Variants in FRMD3 observed in about 807,000 individuals in gnomAD.
The protein encoded by FRMD3 is FERM domain containing 3.
Under a neutral mutation model 70.2 loss-of-function variants are expected in FRMD3, and 33 were observed. The ratio of observed to expected loss-of-function variants is 0.47; its 90% CI spans 0.36 to 0.63. FRMD3 has a LOEUF of 0.63. Among genes scored for constraint, FRMD3 ranks in the 20% least tolerant of loss-of-function variants. FRMD3 has a pLI of 0.00. For synonymous variants in FRMD3, 279 were observed against 255.9 expected (o/e 1.09, Z -0.86); for missense variants, 632 against 711.4 (o/e 0.89, Z 1.27).
At chr9:83,515,477 G>A (rs1351848330) in intron 1 of FRMD3, among the ~76,000 whole-genome samples, 1 of 152,204 alleles carries the variant, frequency 6.6e-6, no homozygotes, top group African/African-American at 2.4e-5. Flanking sequence ...TATGTGAAAA[G>A]ACCAACCTAC....
At chr9:83,356,031 C>T (rs567159891) in intron 3 of FRMD3, among the ~76,000 whole-genome samples, 1 of 152,200 alleles carries the variant, frequency 6.6e-6, no homozygotes, top group East Asian at 1.9e-4. Flanking sequence ...CATCATTTTG[C>T]TGATTTGATA....
In FRMD3 at chr9:83,269,669, G is replaced by A. The variant is rs377081480; in HGVS notation, c.1195+20934C>T. On this transcript the variant is annotated intron_variant, in intron 13 of 13. Coordinates refer to ENST00000304195, the MANE Select transcript of FRMD3 (RefSeq NM_174938.6). Reference sequence around the variant, plus strand: ...GGTTGCAGCAAGCCGAGATCTCACCGCCGCACTCTAGCCTGGGAGACAGAG... The same window carrying A: ...GGTTGCAGCAAGCCGAGATCTCACCACCGCACTCTAGCCTGGGAGACAGAG... Among the ~76,000 whole-genome samples, 6 of 152,046 alleles carry A rather than the reference G, an allele frequency of 3.9e-5. No individual in the cohort carries two copies. In the South Asian group the frequency reaches 6.2e-4, roughly 16 times the overall value.
chr9:83,265,044 G>A (rs1157698969), intron 13 of FRMD3, among the ~76,000 whole-genome samples: 6 of 152,096 alleles, frequency 3.9e-5, no homozygotes, highest in Non-Finnish European at 2.9e-5. Flanking sequence ...CATAAAAACA[G>A]AAACCTAAAA....
intron 6 of FRMD3, among the ~76,000 whole-genome samples, chr9:83,323,902 A>C (rs535860933): frequency 6.6e-6 from 1 of 152,226 alleles, no homozygotes; most frequent in Non-Finnish European, 1.5e-5. Context: ...TTCCTAGAAA[A>C]GTTAAAGTAC....
intron 1 of FRMD3, among the ~76,000 whole-genome samples, chr9:83,523,874 C>A (rs1829632282): frequency 6.6e-6 from 1 of 152,158 alleles, no homozygotes; most frequent in African/African-American, 2.4e-5. Context: ...TCAAGGTGCC[C>A]CCTTGTGTCA....
intron 1 of FRMD3, among the ~76,000 whole-genome samples, chr9:83,528,808 A>G (rs181812401): frequency 6.1e-4 from 93 of 152,230 alleles, no homozygotes; most frequent in Admixed American, 6.1e-3. Flanking sequence ...GATTACAGGC[A>G]TGAGCCACTG....
intron 10 of FRMD3, among the ~76,000 whole-genome samples, chr9:83,309,075 T>C (rs1431156963): frequency 6.6e-6 from 1 of 152,128 alleles, no homozygotes; most frequent in Non-Finnish European, 1.5e-5. Flanking sequence ...TGCTCAATAA[T>C]GCATCTTATA....
intron 3 of FRMD3, among the ~76,000 whole-genome samples, chr9:83,362,753 T>G: frequency 6.6e-6 from 1 of 151,826 alleles, no homozygotes. Context: ...CCTTCTCTCC[T>G]TCCTTCCTTC....
At chr9:83,251,382 GA>G (rs1458333844) in intron 13 of FRMD3, among the ~76,000 whole-genome samples, 13 of 152,144 alleles carry the variant, frequency 8.5e-5, no homozygotes, top group African/African-American at 2.9e-4. Context: ...CATAAAGATC[GA>G]AGATAGATAA....
At chr9:83,584,761 G>A in the FRMD3 span, among the ~76,000 whole-genome samples, 2 of 152,154 alleles carry the variant, frequency 1.3e-5, no homozygotes, top group African/African-American at 4.8e-5. Context: ...CAAATGCCTG[G>A]GTTCTAGTCC....
chr9:83,569,569 A>T, the FRMD3 span, among the ~76,000 whole-genome samples: 3 of 152,198 alleles, frequency 2.0e-5, no homozygotes, highest in African/African-American at 7.2e-5. Context: ...GAAAGTAGCC[A>T]TTTGATTGCT....
At chr9:83,294,788 T>C (rs990890690) in intron 12 of FRMD3, among the ~76,000 whole-genome samples, 2 of 152,308 alleles carry the variant, frequency 1.3e-5, no homozygotes, top group Non-Finnish European at 2.9e-5. Flanking sequence ...TCTGCATGAT[T>C]TGGCCTGCAA....
intron 13 of FRMD3, among the ~76,000 whole-genome samples, chr9:83,261,561 C>T (rs1327412376): frequency 6.6e-6 from 1 of 152,200 alleles, no homozygotes; most frequent in Non-Finnish European, 1.5e-5. Flanking sequence ...CTCTTCACTA[C>T]TTGTGAGGGC....
chr9:83,430,162 C>T (rs1303107858), intron 1 of FRMD3, among the ~76,000 whole-genome samples: 6 of 152,190 alleles, frequency 3.9e-5, no homozygotes, highest in Non-Finnish European at 8.8e-5. Context: ...GAAACAACTT[C>T]AAGAGACACC....
At chr9:83,530,979 G>A (rs1242210847) in intron 1 of FRMD3, among the ~76,000 whole-genome samples, 2 of 152,088 alleles carry the variant, frequency 1.3e-5, no homozygotes, top group Non-Finnish European at 2.9e-5. Flanking sequence ...CCCTGGTCAG[G>A]GTCACTGCTT....
chr9:83,443,123 G>A (rs188778679), intron 1 of FRMD3, among the ~76,000 whole-genome samples: 2 of 152,134 alleles, frequency 1.3e-5, no homozygotes, highest in East Asian at 3.9e-4. Flanking sequence ...CACTTTTTTT[G>A]TATTGCATCT....
In FRMD3 at chr9:83,495,298, A is replaced by G. The variant is rs188303240; in HGVS notation, c.147+42787T>C. Among the ~76,000 whole-genome samples the G allele has an allele frequency of 2.6e-3, 396 of 152,270 alleles. 1 individual carries two copies. Among genetic ancestry groups the G allele is most frequent in the African/African-American group, 8.8e-3 (365 of 41,556 alleles). On this transcript the variant is annotated intron_variant, in intron 1 of 13. Coordinates refer to ENST00000304195, the MANE Select transcript of FRMD3 (RefSeq NM_174938.6). ...GAGCAAGTGGCCATCTGTGTCCAAAACTGCCATGGGTCAGTAAGATGAGAT... is the reference window on the plus strand; with the variant it reads ...GAGCAAGTGGCCATCTGTGTCCAAAGCTGCCATGGGTCAGTAAGATGAGAT...
In FRMD3 at chr9:83,307,748, G is replaced by A. The variant is rs181079585; in HGVS notation, c.926+1788C>T. Among the ~76,000 whole-genome samples the A allele has an allele frequency of 1.5e-3, 235 of 152,262 alleles. 2 individuals carry two copies. Among genetic ancestry groups the A allele is most frequent in the Middle Eastern group, 3.4e-3 (1 of 294 alleles). ...ATAGTGATAATGGCTATATCACTTT[G>A]TGAATTACACTAAAAACCACAAAAC... On this transcript the variant is annotated intron_variant, in intron 10 of 13. Coordinates refer to ENST00000304195, the MANE Select transcript of FRMD3 (RefSeq NM_174938.6).
intron 6 of FRMD3, among the ~76,000 whole-genome samples, chr9:83,329,316 G>A (rs1005940049): frequency 2.0e-5 from 3 of 152,196 alleles, no homozygotes; most frequent in Admixed American, 2.0e-4. Context: ...GACTTGGGAA[G>A]GGAAATGATA....
Sources: gnomAD v4.1 joint callset for allele counts (sites outside exome capture counted in the v4.1 genomes callset) on GRCh38, gnomAD v4.1.1 for gene constraint, MANE v1.5 for transcripts, NCBI Gene and HGNC (gene_info 2026-07-23, HGNC 2026-07-21) for gene names.